Variants in HTR4 observed in about 807,000 individuals in gnomAD.
HTR4 encodes 5-hydroxytryptamine receptor 4.
In HTR4, 16 loss-of-function variants were observed where a neutral mutation model predicts 36.8. That is an observed-to-expected ratio of 0.43 (90% CI 0.29 to 0.66). HTR4 has a LOEUF of 0.66. Among genes scored for constraint, HTR4 ranks in the 30% least tolerant of loss-of-function variants. HTR4 has a pLI of 0.13. For synonymous variants in HTR4, 189 were observed against 185.1 expected (o/e 1.02, Z -0.17); for missense variants, 438 against 490.9 (o/e 0.89, Z 1.02).
exon 6 of HTR4, chr5:148,451,221 T>C: frequency 1.2e-6 from 2 of 1,613,960 alleles, no homozygotes; most frequent in South Asian, 1.1e-5. Context: ...GGTCATTGTG[T>C]ATGGGCAGTT....
chr5:148,455,129 TACTC>T (rs1755069312), intron 5 of HTR4, among the ~76,000 whole-genome samples: 2 of 152,196 alleles, frequency 1.3e-5, no homozygotes, highest in Admixed American at 1.3e-4. Context: ...TTACTTTTTA[TACTC>T]ACTAAGTGGC....
intron 2 of HTR4, among the ~76,000 whole-genome samples, chr5:148,575,306 C>T (rs1449099461): frequency 6.6e-6 from 1 of 152,058 alleles, no homozygotes. Context: ...GGCTCAGAAA[C>T]TGGATTCCTT....
intron 2 of HTR4, among the ~76,000 whole-genome samples, chr5:148,609,187 G>A (rs564495930): frequency 6.6e-6 from 1 of 152,214 alleles, no homozygotes; most frequent in Non-Finnish European, 1.5e-5. Context: ...TAATGGCATT[G>A]CATTGCACAC....
At chr5:148,506,250 C>A (rs1451495343) in intron 6 of HTR4, among the ~76,000 whole-genome samples, 3 of 152,066 alleles carry the variant, frequency 2.0e-5, no homozygotes, top group Non-Finnish European at 4.4e-5. Context: ...CTTTGACAAA[C>A]CTGACAAAAA....
intron 4 of HTR4, among the ~76,000 whole-genome samples, chr5:148,526,944 T>C (rs1415526221): frequency 1.3e-5 from 2 of 152,102 alleles, no homozygotes; most frequent in African/African-American, 4.8e-5. Flanking sequence ...ATAGTGGGAA[T>C]AAGATCTAGT....
intron 2 of HTR4, among the ~76,000 whole-genome samples, chr5:148,627,050 C>A (rs1363978826): frequency 6.6e-6 from 1 of 152,158 alleles, no homozygotes; most frequent in African/African-American, 2.4e-5. Flanking sequence ...AATGCTACTT[C>A]ATAAATTTCT....
At chr5:148,603,172 G>T (rs185975287) in intron 2 of HTR4, among the ~76,000 whole-genome samples, 386 of 151,960 alleles carry the variant, frequency 2.5e-3, no homozygotes, top group African/African-American at 9.1e-3. Context: ...AGCAAAACAT[G>T]AACAAATTGA....
intron 4 of HTR4, among the ~76,000 whole-genome samples, chr5:148,535,626 G>A (rs1048132083): frequency 6.6e-6 from 1 of 152,136 alleles, no homozygotes; most frequent in Non-Finnish European, 1.5e-5. Flanking sequence ...TCAAGCTGAG[G>A]AAACTTTCTC....
intron 2 of HTR4, among the ~76,000 whole-genome samples, chr5:148,580,364 C>T (rs995130753): frequency 1.3e-5 from 2 of 151,956 alleles, no homozygotes; most frequent in African/African-American, 4.8e-5. Context: ...CACTATAATC[C>T]AGGAAATAAA....
intron 5 of HTR4, among the ~76,000 whole-genome samples, chr5:148,455,005 G>A (rs1755065804): frequency 6.6e-6 from 1 of 152,190 alleles, no homozygotes; most frequent in Non-Finnish European, 1.5e-5. Flanking sequence ...GTTTGTGCAG[G>A]AGAAAACTGA....
At chr5:148,603,127 A>C (rs1461114837) in intron 2 of HTR4, among the ~76,000 whole-genome samples, 1 of 152,102 alleles carries the variant, frequency 6.6e-6, no homozygotes, top group Non-Finnish European at 1.5e-5. Context: ...AAATATATGC[A>C]TATTTATCTC....
At chr5:148,503,588 C>A (rs1350694794) in intron 6 of HTR4, among the ~76,000 whole-genome samples, 1 of 152,240 alleles carries the variant, frequency 6.6e-6, no homozygotes, top group South Asian at 2.1e-4. Context: ...CATCAACTAA[C>A]GAGCAAAATA....
At chr5:148,610,625 C>T (rs1041283601) in intron 2 of HTR4, among the ~76,000 whole-genome samples, 4 of 152,124 alleles carry the variant, frequency 2.6e-5, no homozygotes, top group African/African-American at 9.7e-5. Flanking sequence ...AGTGCCTCTC[C>T]TCCTCCAAAG....
At chr5:148,598,679 G>T (rs1036191709) in intron 2 of HTR4, among the ~76,000 whole-genome samples, 1 of 152,172 alleles carries the variant, frequency 6.6e-6, no homozygotes, top group Non-Finnish European at 1.5e-5. Context: ...AACACAGTAG[G>T]TACTAAATAA....
chr5:148,516,312 CTTTT>C lies in HTR4; in HGVS notation c.508-6292_508-6289del, dbSNP rs954784476. ...CAGTATTTCCATTCAATTCCCCCCT[CTTTT>C]TTTTTTTTTTTTTTTTTTTTTGAGA... On this transcript the variant is annotated intron_variant, in intron 5 of 6. Coordinates refer to ENST00000377888, the MANE Select transcript of HTR4 (RefSeq NM_000870.7). Among the ~76,000 whole-genome samples, 587 of 76,432 alleles carry C rather than the reference CTTTT, an allele frequency of 7.7e-3. 2 individuals are homozygous for C. The highest frequency in any genetic ancestry group is 0.022 in the East Asian group (56 of 2,522). 50.1% of individuals were successfully genotyped at this position (76,432 alleles called of 152,430 possible).
intron 5 of HTR4, among the ~76,000 whole-genome samples, chr5:148,455,256 C>T (rs1755073068): frequency 6.6e-6 from 1 of 152,136 alleles, no homozygotes; most frequent in African/African-American, 2.4e-5. Flanking sequence ...CCTCAGAACA[C>T]ACTCCTGAAC....
chr5:148,637,432 G>C (rs2127307717), intron 1 of HTR4, among the ~76,000 whole-genome samples: 1 of 152,062 alleles, frequency 6.6e-6, no homozygotes, highest in Admixed American at 6.5e-5. Context: ...TGCCCAAAAT[G>C]GCCATTTTGT....
intron 2 of HTR4, among the ~76,000 whole-genome samples, chr5:148,597,252 A>G (rs1481058471): frequency 6.6e-6 from 1 of 152,206 alleles, no homozygotes; most frequent in Non-Finnish European, 1.5e-5. Context: ...CCTCTTATGT[A>G]TAGGATGCAT....
chr5:148,633,583 T>C (rs576307784), intron 2 of HTR4, among the ~76,000 whole-genome samples: 18 of 135,112 alleles, frequency 1.3e-4, no homozygotes, highest in African/African-American at 4.9e-4. Flanking sequence ...CCTGTGTCCA[T>C]GTGTTCTCAT....
Sources: gnomAD v4.1 joint callset for allele counts (sites outside exome capture counted in the v4.1 genomes callset) on GRCh38, gnomAD v4.1.1 for gene constraint, MANE v1.5 for transcripts, NCBI Gene and HGNC (gene_info 2026-07-23, HGNC 2026-07-21) for gene names.